Variants in CAST observed in about 807,000 individuals in gnomAD.
CAST encodes the protein MIR583 host.
Under a neutral mutation model 119.6 loss-of-function variants are expected in CAST, and 76 were observed. The ratio of observed to expected loss-of-function variants is 0.64; its 90% CI spans 0.53 to 0.77. The LOEUF is 0.77. Among genes scored for constraint, CAST ranks in the 30% least tolerant of loss-of-function variants. CAST has a pLI of 0.00. For synonymous variants in CAST, 319 were observed against 331.6 expected (o/e 0.96, Z 0.41); for missense variants, 953 against 946.5 (o/e 1.01, Z -0.09).
the CAST span, among the ~76,000 whole-genome samples, chr5:96,452,976 A>AAAAAAAAAAGAAG: frequency 8.1e-4 from 115 of 142,410 alleles, no homozygotes; most frequent in African/African-American, 3.3e-3. Context: ...AAAAAAAAAA[A>AAAAAAAAAAGAAG]CAGAAGAAAG....
At chr5:96,754,308 A>T in intron 21 of CAST, 147 bp downstream of exon 21, 2 of 667,186 alleles carry the variant, frequency 3.0e-6, no homozygotes, top group Non-Finnish European at 5.4e-6. Context: ...ATCCTGTTTA[A>T]TAAGCTAAAC....
chr5:96,697,759 T>C (rs988882823), intron 3 of CAST, among the ~76,000 whole-genome samples: 3 of 152,224 alleles, frequency 2.0e-5, no homozygotes, highest in Admixed American at 6.5e-5. Context: ...CCACTGAGCT[T>C]CAGTTTCTTC....
the CAST span, among the ~76,000 whole-genome samples, chr5:96,435,489 A>G: frequency 6.6e-6 from 1 of 152,230 alleles, no homozygotes; most frequent in Non-Finnish European, 1.5e-5. Flanking sequence ...CTAGAGGTGC[A>G]AGTAGATTTA....
At chr5:96,678,191 C>T (rs1750927642) in intron 2 of CAST, among the ~76,000 whole-genome samples, 1 of 152,124 alleles carries the variant, frequency 6.6e-6, no homozygotes, top group African/African-American at 2.4e-5. Flanking sequence ...TTATTTCTCC[C>T]AAATATTTTC....
chr5:95,993,454 C>A, the CAST span, among the ~76,000 whole-genome samples: 4 of 152,132 alleles, frequency 2.6e-5, no homozygotes, highest in South Asian at 8.3e-4. Flanking sequence ...GTTATCACAA[C>A]TGGAGTGGAA....
the CAST span, chr5:96,397,491 A>G: frequency 1.2e-6 from 2 of 1,606,454 alleles, no homozygotes; most frequent in Middle Eastern, 1.7e-4. Context: ...ATACAAGTTA[A>G]TGAATGTCCT....
chr5:96,768,810 ACTTTCTTGT>A (rs1771017174), intron 29 of CAST: 1 of 158,956 alleles, frequency 6.3e-6, no homozygotes, highest in South Asian at 1.8e-4. Context: ...CTTAGGGAAG[ACTTTCTTGT>A]CTTACATCTT....
the CAST span, among the ~76,000 whole-genome samples, chr5:96,168,557 C>G: frequency 6.6e-6 from 1 of 152,044 alleles, no homozygotes; most frequent in African/African-American, 2.4e-5. Context: ...GCGGTAGCCT[C>G]AATGATAGAT....
the CAST span, among the ~76,000 whole-genome samples, chr5:95,966,562 G>A: frequency 6.6e-6 from 1 of 151,978 alleles, no homozygotes; most frequent in Non-Finnish European, 1.5e-5. Context: ...TTCTAGAAGA[G>A]TCTGGTTATT....
chr5:96,169,140 C>T, the CAST span, among the ~76,000 whole-genome samples: 1,819 of 152,134 alleles, frequency 0.012, 35 homozygotes, highest in African/African-American at 0.042. Flanking sequence ...GGAGATTAGC[C>T]GGACACGAGC....
At chr5:96,726,257 A>G (rs554648294) in intron 4 of CAST, among the ~76,000 whole-genome samples, 4 of 152,318 alleles carry the variant, frequency 2.6e-5, no homozygotes, top group African/African-American at 9.6e-5. Flanking sequence ...TGCACAAGTA[A>G]TGTTTAGTTG....
intron 27 of CAST, among the ~76,000 whole-genome samples, chr5:96,767,084 G>T (rs542619429): frequency 6.6e-6 from 1 of 152,304 alleles, no homozygotes; most frequent in South Asian, 2.1e-4. Flanking sequence ...GACTTTCTAA[G>T]TGTAATAAGC....
At chr5:96,136,456 A>G in the CAST span, among the ~76,000 whole-genome samples, 2,197 of 152,248 alleles carry the variant, frequency 0.014, 37 homozygotes, top group South Asian at 0.077. Flanking sequence ...AGAATCAGCC[A>G]CTTCTCCAAG....
chr5:96,448,404 T>C, the CAST span, among the ~76,000 whole-genome samples: 1 of 152,200 alleles, frequency 6.6e-6, no homozygotes, highest in East Asian at 1.9e-4. Flanking sequence ...CAACTTGCTA[T>C]ATTTCATTCA....
the CAST span, among the ~76,000 whole-genome samples, chr5:96,003,415 G>A: frequency 1.3e-5 from 2 of 151,794 alleles, no homozygotes; most frequent in Non-Finnish European, 2.9e-5. Context: ...GCGGGCGCCT[G>A]TAGTCCCAGC....
chr5:95,971,659 C>G, the CAST span, among the ~76,000 whole-genome samples: 1 of 152,194 alleles, frequency 6.6e-6, no homozygotes, highest in Non-Finnish European at 1.5e-5. Flanking sequence ...TTTTCCATCA[C>G]TATGGTTTGG....
chr5:96,387,323 A>G, the CAST span, among the ~76,000 whole-genome samples: 11 of 152,226 alleles, frequency 7.2e-5, no homozygotes, highest in African/African-American at 2.4e-4. Context: ...AAATAACAAC[A>G]GCAGGTTCAC....
chr5:96,493,330 T>TA, the CAST span, among the ~76,000 whole-genome samples: 1 of 152,182 alleles, frequency 6.6e-6, no homozygotes, highest in Non-Finnish European at 1.5e-5. Flanking sequence ...TCACCCTAGA[T>TA]AAAGTGCTTT....
the CAST span, among the ~76,000 whole-genome samples, chr5:96,101,569 C>T: frequency 1.3e-5 from 2 of 152,226 alleles, no homozygotes; most frequent in Non-Finnish European, 2.9e-5. Flanking sequence ...CTTCCCGATT[C>T]TCCCACCACC....
Sources: gnomAD v4.1 joint callset for allele counts (sites outside exome capture counted in the v4.1 genomes callset) on GRCh38, gnomAD v4.1.1 for gene constraint, MANE v1.5 for transcripts, NCBI Gene and HGNC (gene_info 2026-07-23, HGNC 2026-07-21) for gene names.